The following COL5A2 variants were observed in gnomAD, a reference collection of about 807,000 sequenced individuals.
The protein encoded by COL5A2 is collagen type V alpha 2 chain.
COL5A2 carries 23 observed loss-of-function variants against 208.2 expected under a neutral mutation model. The ratio of observed to expected loss-of-function variants is 0.11; its 90% CI spans 0.08 to 0.16. COL5A2 has a LOEUF of 0.16. COL5A2 is among the 10% of genes least tolerant of loss of function. The pLI, the probability that COL5A2 is intolerant of heterozygous loss-of-function variation, is 1.00. For synonymous variants in COL5A2, 625 were observed against 628.5 expected, an observed-to-expected ratio of 0.99 and a Z score of 0.08; for missense variants, 1,590 against 1,956.4, an observed-to-expected ratio of 0.81 and a Z score of 3.53.
At chr2:189,133,266 C>A (rs1020174021) in intron 1 of COL5A2, among the ~76,000 whole-genome samples, 1 of 142,794 alleles carries the variant, frequency 7.0e-6, no homozygotes, top group African/African-American at 2.5e-5. Context: ...GACTACACCA[C>A]CTGCCACCAC....
the COL5A2 span, among the ~76,000 whole-genome samples, chr2:189,367,317 A>G: frequency 2.6e-5 from 4 of 152,156 alleles, no homozygotes; most frequent in Non-Finnish European, 5.9e-5. Flanking sequence ...AAACTATGAT[A>G]GTCAGTCCCT....
intron 35 of COL5A2, among the ~76,000 whole-genome samples, chr2:189,054,486 C>G (rs1685859149): frequency 6.6e-6 from 1 of 152,126 alleles, no homozygotes. Flanking sequence ...GGCATTAGCA[C>G]TACATTAATG....
intron 1 of COL5A2, among the ~76,000 whole-genome samples, chr2:189,166,950 G>A (rs937796949): frequency 3.9e-5 from 6 of 152,316 alleles, no homozygotes; most frequent in African/African-American, 1.4e-4. Context: ...GGTCAGGCTG[G>A]AAGGAAAAGT....
intron 1 of COL5A2, among the ~76,000 whole-genome samples, chr2:189,186,300 A>T (rs1383596776): frequency 6.6e-6 from 1 of 152,132 alleles, no homozygotes; most frequent in Non-Finnish European, 1.5e-5. Flanking sequence ...TCAAGCCAAC[A>T]AACCATAATT....
At chr2:189,417,263 C>A in the COL5A2 span, among the ~76,000 whole-genome samples, 1 of 152,034 alleles carries the variant, frequency 6.6e-6, no homozygotes. Flanking sequence ...CAACATATTA[C>A]GGCATCACTA....
Position 189,060,818 on chromosome 2 carries a change from T to C in COL5A2, c.2032-35A>G, listed in dbSNP as rs758532230. The C allele has an allele frequency of 3.2e-6, 5 of 1,562,808 alleles. No individual in the cohort carries two copies. The South Asian group carries it at 5.6e-5, about 17-fold the overall frequency. ...AAGTAAGAAAATAAAATTGTGAATC[T>C]GTGTAAGTTTAACAGGCTACCAGTG... On this transcript the variant is annotated intron_variant, in intron 30 of 53. Coordinates refer to ENST00000374866, the MANE Select transcript of COL5A2 (RefSeq NM_000393.5).
the COL5A2 span, among the ~76,000 whole-genome samples, chr2:189,419,836 G>C: frequency 6.8e-6 from 1 of 147,060 alleles, no homozygotes; most frequent in Non-Finnish European, 1.5e-5. Flanking sequence ...GGAGAGGAGA[G>C]GAAAGGAAAG....
the COL5A2 span, among the ~76,000 whole-genome samples, chr2:189,289,412 G>T: frequency 1.3e-5 from 2 of 151,928 alleles, no homozygotes; most frequent in Non-Finnish European, 1.5e-5. Flanking sequence ...TATATGACAG[G>T]CTCACTTCTA....
chr2:189,058,114 A>G (rs963699847), intron 33 of COL5A2, among the ~76,000 whole-genome samples: 4 of 152,142 alleles, frequency 2.6e-5, no homozygotes, highest in African/African-American at 9.7e-5. Flanking sequence ...GTAATTTTCT[A>G]TTTCTTTCCT....
chr2:189,331,945 G>A, the COL5A2 span, among the ~76,000 whole-genome samples: 32 of 132,802 alleles, frequency 2.4e-4, no homozygotes, highest in Admixed American at 5.4e-4. Flanking sequence ...GCAAGACTCC[G>A]TCTCAAAAAA....
the COL5A2 span, among the ~76,000 whole-genome samples, chr2:189,418,133 C>T: frequency 1.7e-4 from 26 of 151,512 alleles, no homozygotes; most frequent in South Asian, 5.3e-3. Flanking sequence ...TAATGAACAG[C>T]GAAAACACAT....
At chr2:189,205,469 C>A (rs1262999343) in intron 1 of COL5A2, among the ~76,000 whole-genome samples, 1 of 152,188 alleles carries the variant, frequency 6.6e-6, no homozygotes, top group Non-Finnish European at 1.5e-5. Context: ...AAGGCAATGG[C>A]CACTTCTAGT....
chr2:189,179,737 C>T lies in COL5A2; in HGVS notation c.-133G>A, dbSNP rs1385469954. 1.5e-5 allele frequency: 22 copies of T among 1,485,582 alleles called. No homozygotes were observed. In the East Asian group the frequency reaches 5.2e-4, roughly 35 times the overall value. The allele number at this position is 1,485,582 out of a possible 1,614,324, so 92.0% of individuals were successfully genotyped here. ...GGCAGCCTCTGCAAACCCCCTTTTT[C>T]AGCACCAGCTCCAGCACAGTCTGCG... is the stretch of plus-strand genomic sequence containing the variant. On this transcript the variant is annotated 5_prime_UTR_variant, in exon 1 of 54. Transcript: ENST00000374866.
chr2:189,135,511 C>T (rs1687810905), intron 1 of COL5A2, among the ~76,000 whole-genome samples: 1 of 152,086 alleles, frequency 6.6e-6, no homozygotes, highest in Non-Finnish European at 1.5e-5. Context: ...ATATTGGTTA[C>T]AAACAGTGAA....
the COL5A2 span, among the ~76,000 whole-genome samples, chr2:189,401,420 A>T: frequency 2.6e-5 from 4 of 152,240 alleles, no homozygotes; most frequent in Admixed American, 2.6e-4. Flanking sequence ...GCTGAATGGT[A>T]TTCCATGGCA....
intron 51 of COL5A2, among the ~76,000 whole-genome samples, chr2:189,037,324 C>T (rs1041256980): frequency 1.4e-4 from 21 of 151,992 alleles, no homozygotes; most frequent in Non-Finnish European, 1.5e-4. Context: ...ATAGGAAATA[C>T]CAAGGCAGTG....
chr2:189,404,959 C>T, the COL5A2 span, among the ~76,000 whole-genome samples: 16 of 152,146 alleles, frequency 1.1e-4, no homozygotes, highest in Non-Finnish European at 1.6e-4. Flanking sequence ...CATTTACTAC[C>T]TATGTGATTT....
chr2:189,263,576 C>T, the COL5A2 span, among the ~76,000 whole-genome samples: 1 of 151,954 alleles, frequency 6.6e-6, no homozygotes, highest in Non-Finnish European at 1.5e-5. Context: ...AGAGTAATGC[C>T]CTAGGTCTTC....
intron 7 of COL5A2, among the ~76,000 whole-genome samples, chr2:189,090,712 A>G (rs1277755521): frequency 6.6e-6 from 1 of 152,110 alleles, no homozygotes; most frequent in Admixed American, 6.5e-5. Context: ...TGATAAAACA[A>G]CTCTGCCTGT....
Sources: allele counts gnomAD v4.1 joint callset (sites outside exome capture counted in the v4.1 genomes callset), GRCh38; gene constraint gnomAD v4.1.1; transcripts MANE v1.5; gene names NCBI Gene and HGNC (gene_info 2026-07-23, HGNC 2026-07-21).